Variants in DLGAP2 observed in about 807,000 individuals in gnomAD.
The protein encoded by DLGAP2 is disks large-associated protein 2.
Under a neutral mutation model 100.3 loss-of-function variants are expected in DLGAP2, and 26 were observed. The observed-to-expected ratio is 0.26, with a 90% CI of 0.19 to 0.36. DLGAP2 has a LOEUF of 0.36. Among genes scored for constraint, DLGAP2 ranks in the 10% least tolerant of loss-of-function variants. The probability of loss-of-function intolerance (pLI) is 1.00; values close to 1 mark genes in which losing one functional copy is unlikely to be tolerated. For synonymous variants in DLGAP2, 886 were observed against 630.1 expected (o/e 1.41, Z -6.08); for missense variants, 1,858 against 1,453.2 (o/e 1.28, Z -4.53).
intron 2 of DLGAP2, among the ~76,000 whole-genome samples, chr8:915,731 C>G (rs562485693): frequency 6.6e-6 from 1 of 152,224 alleles, no homozygotes; most frequent in Admixed American, 6.5e-5. Flanking sequence ...CTATTCATCT[C>G]TCTGTCCGTC....
Position 1,348,667 on chromosome 8 carries a change from G to A in DLGAP2, c.106+89784G>A, listed in dbSNP as rs80174587. 7.9e-5 allele frequency among the ~76,000 whole-genome samples: 12 copies of A among 152,216 alleles called. 1 individual carries two copies. Among genetic ancestry groups the A allele is most frequent in the South Asian group, 4.1e-4 (2 of 4,832 alleles). On this transcript the variant is annotated intron_variant, in intron 3 of 14. Coordinates refer to ENST00000637795, the MANE Select transcript of DLGAP2 (RefSeq NM_001346810.2). ...GCTGCATTGCTCTCATGGTGGCTGT[G>A]TGGAGGTTGAGTGCCCAGCAGAGCT...
intron 8 of DLGAP2, among the ~76,000 whole-genome samples, chr8:1,641,828 T>C (rs1797907198): frequency 2.0e-5 from 3 of 152,006 alleles, no homozygotes; most frequent in Admixed American, 1.3e-4. Flanking sequence ...GGTTTTCAGA[T>C]ATTGTGGAGA....
intron 3 of DLGAP2, among the ~76,000 whole-genome samples, chr8:1,436,672 G>C (rs1299468500): frequency 1.3e-5 from 2 of 152,018 alleles, no homozygotes; most frequent in Non-Finnish European, 2.9e-5. Context: ...TGTGTGTAGA[G>C]TCTACAGTAG....
At chr8:1,581,849 C>G (rs983761020) in intron 6 of DLGAP2, among the ~76,000 whole-genome samples, 1 of 148,916 alleles carries the variant, frequency 6.7e-6, no homozygotes, top group Non-Finnish European at 1.5e-5. Flanking sequence ...AGGATACAGA[C>G]AAACCCCCAC....
chr8:1,627,303 G>A (rs1797530484), intron 7 of DLGAP2, among the ~76,000 whole-genome samples: 1 of 152,172 alleles, frequency 6.6e-6, no homozygotes, highest in Non-Finnish European at 1.5e-5. Flanking sequence ...ATAGCCTGGT[G>A]TCGCTCACAG....
chr8:1,662,901 G>A (rs944523991), intron 8 of DLGAP2, among the ~76,000 whole-genome samples: 1 of 149,550 alleles, frequency 6.7e-6, no homozygotes, highest in Non-Finnish European at 1.5e-5. Flanking sequence ...ATGTGTGAGT[G>A]TGGGGGATGC....
intron 2 of DLGAP2, among the ~76,000 whole-genome samples, chr8:1,063,182 G>C (rs964344928): frequency 3.7e-4 from 57 of 152,320 alleles, no homozygotes; most frequent in South Asian, 2.1e-4. Flanking sequence ...ACGCCGCAAA[G>C]TGCTGCCATA....
At chr8:1,500,380 C>G (rs1025870226) in intron 3 of DLGAP2, among the ~76,000 whole-genome samples, 1 of 152,048 alleles carries the variant, frequency 6.6e-6, no homozygotes, top group Non-Finnish European at 1.5e-5. Flanking sequence ...TGGGCAGAGC[C>G]TCCCTGAGAT....
At chr8:1,284,044 A>G (rs73670710) in intron 3 of DLGAP2, among the ~76,000 whole-genome samples, 3,032 of 152,322 alleles carry the variant, frequency 0.02, 99 homozygotes, top group African/African-American at 0.068. Flanking sequence ...TATGACAAGT[A>G]TGTGGCCTTC....
At chr8:1,484,087 C>T (rs942840937) in intron 3 of DLGAP2, among the ~76,000 whole-genome samples, 18 of 152,330 alleles carry the variant, frequency 1.2e-4, no homozygotes, top group African/African-American at 3.8e-4. Context: ...ACAAAGCCGG[C>T]TTCCTTCCTG....
intron 2 of DLGAP2, among the ~76,000 whole-genome samples, chr8:1,179,466 C>T (rs1797334325): frequency 6.6e-6 from 1 of 152,230 alleles, no homozygotes; most frequent in Non-Finnish European, 1.5e-5. Flanking sequence ...CAGGAGCGTC[C>T]CCAGCAGGCT....
At chr8:1,510,951 A>G (rs1480695938) in intron 4 of DLGAP2, among the ~76,000 whole-genome samples, 1 of 152,230 alleles carries the variant, frequency 6.6e-6, no homozygotes, top group South Asian at 2.1e-4. Context: ...TCAATCTGGC[A>G]CATCTCCCTT....
intron 2 of DLGAP2, among the ~76,000 whole-genome samples, chr8:1,055,339 T>C (rs1474415669): frequency 1.3e-5 from 2 of 152,218 alleles, no homozygotes; most frequent in East Asian, 3.9e-4. Flanking sequence ...CTGTTTTCCA[T>C]TTCAAATCAG....
intron 3 of DLGAP2, among the ~76,000 whole-genome samples, chr8:1,357,372 C>T (rs1020667908): frequency 2.0e-5 from 3 of 151,756 alleles, no homozygotes; most frequent in Non-Finnish European, 1.5e-5. Flanking sequence ...AGATACAACC[C>T]CTTCCTGATG....
At chr8:1,171,809 C>G (rs142670690) in intron 2 of DLGAP2, among the ~76,000 whole-genome samples, 1,749 of 152,226 alleles carry the variant, frequency 0.011, 15 homozygotes, top group Non-Finnish European at 0.014. Flanking sequence ...CTGAATATAA[C>G]ACACTGATGG....
intron 3 of DLGAP2, among the ~76,000 whole-genome samples, chr8:1,480,146 C>A (rs1300798845): frequency 6.6e-6 from 1 of 152,178 alleles, no homozygotes; most frequent in African/African-American, 2.4e-5. Context: ...AGGCAGAGAG[C>A]CTTTAACCAC....
intron 8 of DLGAP2, among the ~76,000 whole-genome samples, chr8:1,639,805 A>T (rs966444573): frequency 6.6e-6 from 1 of 152,114 alleles, no homozygotes; most frequent in African/African-American, 2.4e-5. Flanking sequence ...TGCGGGCCAC[A>T]TGGCTCCAGC....
At chr8:1,519,662 A>T (rs748389216) in intron 4 of DLGAP2, among the ~76,000 whole-genome samples, 1 of 152,122 alleles carries the variant, frequency 6.6e-6, no homozygotes, top group Non-Finnish European at 1.5e-5. Flanking sequence ...AATGTTCCAG[A>T]CCCCAGAAGA....
At chr8:1,373,430 G>C (rs941888892) in intron 3 of DLGAP2, among the ~76,000 whole-genome samples, 14 of 152,278 alleles carry the variant, frequency 9.2e-5, no homozygotes, top group East Asian at 3.9e-4. Context: ...CGACAAGGAC[G>C]GGGGGCCGGA....
Sources: allele counts gnomAD v4.1 joint callset (sites outside exome capture counted in the v4.1 genomes callset), GRCh38; gene constraint gnomAD v4.1.1; transcripts MANE v1.5; gene names NCBI Gene and HGNC (gene_info 2026-07-23, HGNC 2026-07-21).